Variants in GNPTAB observed in about 807,000 individuals in gnomAD.
The protein encoded by GNPTAB is N-acetylglucosamine-1-phosphate transferase subunits alpha and beta, also known as N-acetylglucosamine-1-phosphotransferase subunits alpha/beta.
Under a neutral mutation model 136.6 loss-of-function variants are expected in GNPTAB, and 92 were observed. The observed-to-expected ratio is 0.67, with a 90% CI of 0.57 to 0.80. The LOEUF (loss-of-function observed/expected upper bound fraction) is 0.80. GNPTAB is among the 30% of genes least tolerant of loss of function. GNPTAB has a pLI of 0.00. For missense variants in GNPTAB, 1,343 were observed against 1,501.8 expected (o/e 0.89, Z 1.75); for synonymous variants, 512 against 535.1 (o/e 0.96, Z 0.60).
rs1868884035 is a variant in GNPTAB, at chr12:101,789,946, T to C, written c.315A>G (p.Lys105=). 1.2e-6 allele frequency: 2 copies of C among 1,614,214 alleles called. No homozygotes were observed. Among genetic ancestry groups the C allele is most frequent in the East Asian group, 4.5e-5 (2 of 44,884 alleles). ...QVREQMEEEQ[K]AMREILGKNT... ...AAAAAAATCAGTTTTACCTCATTGC[T>C]TTCTGCTCCTCCTCCATCTGTTCTC... is the stretch of plus-strand genomic sequence containing the variant. Residue 105 remains lysine (K), a synonymous_variant, in exon 3 of 21, where the codon AAA becomes AAG. Coordinates refer to ENST00000299314, the MANE Select transcript of GNPTAB (RefSeq NM_024312.5).
chr12:101,780,132 T>A lies in GNPTAB; in HGVS notation c.771+20A>T. Reference sequence around the variant, plus strand: ...AATGAGAATGTGCCAGGCTAATTGCTCTATTTTCTATGTTCTTACCAGTTT... The same window carrying A: ...AATGAGAATGTGCCAGGCTAATTGCACTATTTTCTATGTTCTTACCAGTTT... On this transcript the variant is annotated intron_variant, in intron 7 of 20. Coordinates refer to ENST00000299314, the MANE Select transcript of GNPTAB (RefSeq NM_024312.5). The A allele has an allele frequency of 6.2e-7, 1 of 1,609,526 alleles. No homozygotes were observed. The highest frequency in any genetic ancestry group is 8.5e-7 in the Non-Finnish European group (1 of 1,175,840).
intron 5 of GNPTAB, chr12:101,785,763 G>A: frequency 4.2e-6 from 2 of 471,452 alleles, no homozygotes; most frequent in Admixed American, 7.2e-5. Flanking sequence ...CAAGGTAATT[G>A]TGATATCAGA....
intron 2 of GNPTAB, among the ~76,000 whole-genome samples, chr12:101,795,594 A>G (rs182533655): frequency 1.3e-5 from 2 of 152,078 alleles, no homozygotes; most frequent in East Asian, 1.9e-4. Context: ...CTCTACTAAA[A>G]ATACAAAAAT....
rs941612913 is a variant in GNPTAB, at chr12:101,745,631, T to C, written c.*1533A>G. On this transcript the variant is annotated 3_prime_UTR_variant, in exon 21 of 21. Transcript: ENST00000299314. ...CCATTTTGGAAGAATATTGTTGAGA[T>C]CATGATCTAAAATACCTGTCAGAGT... The C allele has an allele frequency of 2.1e-4, 32 of 152,362 alleles. 1 individual carries two copies. The highest frequency in any genetic ancestry group is 7.2e-4 in the Admixed American group (11 of 15,306). 9.4% of individuals were successfully genotyped at this position (152,362 alleles called of 1,614,324 possible).
At chr12:101,826,970 T>G (rs997600431) in intron 1 of GNPTAB, among the ~76,000 whole-genome samples, 2 of 142,378 alleles carry the variant, frequency 1.4e-5, no homozygotes, top group Non-Finnish European at 3.1e-5. Context: ...TTTTTTTTTT[T>G]TTTTTTTTGA....
At chr12:101,760,269 A>G (rs1952973448) in intron 15 of GNPTAB, 126 bp from the exon 16 acceptor site, 1 of 684,966 alleles carries the variant, frequency 1.5e-6, no homozygotes, top group Non-Finnish European at 2.6e-6. Flanking sequence ...GAGTCTGACT[A>G]TATGATTCTT....
At chr12:101,771,231 G>T in intron 7 of GNPTAB, 74 bp from the exon 8 acceptor site, 1 of 1,234,110 alleles carries the variant, frequency 8.1e-7, no homozygotes, top group Non-Finnish European at 1.2e-6. Context: ...TTCCCACTCT[G>T]CTCTTTAATC....
chr12:101,800,443 T>C (rs1477573166), intron 1 of GNPTAB, among the ~76,000 whole-genome samples: 1 of 151,814 alleles, frequency 6.6e-6, no homozygotes, highest in African/African-American at 2.4e-5. Context: ...TGGAGATCTT[T>C]TGGGTCCGCA....
Position 101,770,518 on chromosome 12 carries a change from C to A in GNPTAB, c.1001G>T (p.Arg334Leu), listed in dbSNP as rs281864970. ...CCATGGTGCATGCCTCTCGATAGAT[C>A]GCAATGAGTACCTCAGTTCTTCGTT... ...EDNEELRYSL[R>L]SIERHAPWVR... The change falls in exon 9 of 21, where the codon CGA becomes CTA. Residue 334 changes from arginine to leucine, a missense_variant. Transcript: ENST00000299314. 2 of 1,612,938 alleles carry A rather than the reference C, an allele frequency of 1.2e-6. No homozygotes were observed. Among genetic ancestry groups the A allele is most frequent in the Non-Finnish European group, 1.7e-6 (2 of 1,178,924 alleles).
chr12:101,768,867 CTGATT>C (rs1391188721), intron 10 of GNPTAB, among the ~76,000 whole-genome samples: 1 of 152,168 alleles, frequency 6.6e-6, no homozygotes, highest in Admixed American at 6.5e-5. Flanking sequence ...CCTATCCTAT[CTGATT>C]TAAGCCTCCT....
chr12:101,797,699 T>A lies in GNPTAB; in HGVS notation c.118-937A>T, dbSNP rs572503870. On this transcript the variant is annotated intron_variant, in intron 1 of 20. Transcript: ENST00000299314. ...TAAGGACCTTATTACCTGTGAGGTT[T>A]CAGCTAACGACCTTGTTAAACATTT... is the stretch of plus-strand genomic sequence containing the variant. Among the ~76,000 whole-genome samples the A allele has an allele frequency of 2.6e-5, 4 of 152,340 alleles. No homozygotes were observed. In the East Asian group the frequency reaches 7.7e-4, roughly 29 times the overall value.
intron 1 of GNPTAB, among the ~76,000 whole-genome samples, chr12:101,818,508 GC>G (rs1161347243): frequency 6.6e-6 from 1 of 151,004 alleles, no homozygotes; most frequent in Non-Finnish European, 1.5e-5. Flanking sequence ...CTCCCAAGTA[GC>G]TGGGATTACG....
chr12:101,813,970 T>G (rs540607681), intron 1 of GNPTAB, among the ~76,000 whole-genome samples: 1 of 147,232 alleles, frequency 6.8e-6, no homozygotes, highest in South Asian at 2.2e-4. Flanking sequence ...TCCCAGCTAC[T>G]TGGGAGGCTG....
intron 1 of GNPTAB, among the ~76,000 whole-genome samples, chr12:101,816,437 A>G (rs1432945463): frequency 6.6e-6 from 1 of 152,250 alleles, no homozygotes; most frequent in African/African-American, 2.4e-5. Flanking sequence ...GGCCATAGGT[A>G]TATTTAAAAA....
intron 11 of GNPTAB, among the ~76,000 whole-genome samples, chr12:101,766,979 C>T (rs1483483147): frequency 6.6e-6 from 1 of 152,086 alleles, no homozygotes; most frequent in East Asian, 1.9e-4. Flanking sequence ...TGTTTGATAC[C>T]CCTTGTTATC....
chr12:101,777,889 G>T (rs1165064804), intron 7 of GNPTAB, among the ~76,000 whole-genome samples: 1 of 152,144 alleles, frequency 6.6e-6, no homozygotes, highest in East Asian at 1.9e-4. Flanking sequence ...GTTGATCACA[G>T]GTGTTGGAAT....
At chr12:101,823,213 G>A (rs1484304434) in intron 1 of GNPTAB, among the ~76,000 whole-genome samples, 1 of 152,174 alleles carries the variant, frequency 6.6e-6, no homozygotes, top group Non-Finnish European at 1.5e-5. Context: ...GAACGGAAAA[G>A]TGCCATGATG....
intron 1 of GNPTAB, among the ~76,000 whole-genome samples, chr12:101,802,114 C>T (rs1869670138): frequency 1.3e-5 from 2 of 148,264 alleles, no homozygotes; most frequent in African/African-American, 5.0e-5. Context: ...GGGAGGATCA[C>T]TTTAGCCCAA....
intron 9 of GNPTAB, 34 bp from the exon 10 acceptor site, chr12:101,770,225 A>C: frequency 6.2e-7 from 1 of 1,608,784 alleles, no homozygotes; most frequent in Non-Finnish European, 8.5e-7. Flanking sequence ...AAGAGAGTGA[A>C]TGAGAGCTGT....
Sources: allele counts gnomAD v4.1 joint callset (sites outside exome capture counted in the v4.1 genomes callset), GRCh38; gene constraint gnomAD v4.1.1; transcripts MANE v1.5; gene names NCBI Gene and HGNC (gene_info 2026-07-23, HGNC 2026-07-21).